The following ERBB4 variants were observed in gnomAD, a reference collection of about 807,000 sequenced individuals.
ERBB4 encodes erb-b2 receptor tyrosine kinase 4.
ERBB4 carries 42 observed loss-of-function variants against 158.0 expected under a neutral mutation model. That is an observed-to-expected ratio of 0.27 (90% CI 0.21 to 0.34). The LOEUF (loss-of-function observed/expected upper bound fraction) is 0.34. ERBB4 is among the 10% of genes least tolerant of loss of function. The probability of loss-of-function intolerance (pLI) is 1.00; values close to 1 mark genes in which losing one functional copy is unlikely to be tolerated. For missense variants in ERBB4, 1,333 were observed against 1,624.1 expected (o/e 0.82, Z 3.08); for synonymous variants, 583 against 558.7 (o/e 1.04, Z -0.61).
chr2:211,927,031 G>A (rs2080037384), intron 3 of ERBB4, among the ~76,000 whole-genome samples: 1 of 152,148 alleles, frequency 6.6e-6, no homozygotes, highest in Non-Finnish European at 1.5e-5. Context: ...CCAAACATGA[G>A]AAAGTCAAAT....
chr2:212,292,090 T>A (rs2086228682), intron 1 of ERBB4, among the ~76,000 whole-genome samples: 1 of 151,964 alleles, frequency 6.6e-6, no homozygotes, highest in Non-Finnish European at 1.5e-5. Flanking sequence ...TTTTTTAAAT[T>A]TTTTTCTGAA....
At chr2:212,108,419 T>C (rs2079295521) in intron 2 of ERBB4, among the ~76,000 whole-genome samples, 1 of 152,156 alleles carries the variant, frequency 6.6e-6, no homozygotes, top group Non-Finnish European at 1.5e-5. Flanking sequence ...TCTTAGCATT[T>C]TAATAAGAGA....
intron 20 of ERBB4, among the ~76,000 whole-genome samples, chr2:211,530,407 G>A (rs985071286): frequency 6.6e-6 from 1 of 152,024 alleles, no homozygotes; most frequent in African/African-American, 2.4e-5. Flanking sequence ...TTGTTAAAAT[G>A]TCTAGACTAC....
At chr2:211,873,832 A>G (rs2078421947) in intron 3 of ERBB4, among the ~76,000 whole-genome samples, 1 of 150,734 alleles carries the variant, frequency 6.6e-6, no homozygotes, top group Non-Finnish European at 1.5e-5. Flanking sequence ...CTGGAAGTAA[A>G]ATAATTGTGT....
At chr2:212,427,385 T>C (rs1456026797) in intron 1 of ERBB4, among the ~76,000 whole-genome samples, 2 of 152,146 alleles carry the variant, frequency 1.3e-5, no homozygotes, top group Non-Finnish European at 2.9e-5. Context: ...CCAATCATTA[T>C]GCTAGTTTTA....
intron 3 of ERBB4, among the ~76,000 whole-genome samples, chr2:211,799,515 GA>G (rs2076453301): frequency 6.6e-6 from 1 of 152,122 alleles, no homozygotes; most frequent in Non-Finnish European, 1.5e-5. Flanking sequence ...TTCAAGAAGG[GA>G]AAACTATTGA....
At chr2:212,272,301 G>A (rs2085370729) in intron 1 of ERBB4, among the ~76,000 whole-genome samples, 1 of 151,682 alleles carries the variant, frequency 6.6e-6, no homozygotes, top group African/African-American at 2.4e-5. Context: ...AAGTTAAACA[G>A]TCCAGAAGTA....
chr2:212,491,449 T>C (rs1167729496), intron 1 of ERBB4, among the ~76,000 whole-genome samples: 2 of 151,610 alleles, frequency 1.3e-5, no homozygotes, highest in Non-Finnish European at 3.0e-5. Context: ...AATTTGTGTT[T>C]TTCCCTTTGT....
chr2:212,234,372 C>T (rs905251532), intron 1 of ERBB4, among the ~76,000 whole-genome samples: 3 of 152,102 alleles, frequency 2.0e-5, no homozygotes, highest in African/African-American at 7.2e-5. Flanking sequence ...TTTCTTTATC[C>T]AGTCTAACAT....
At position 212,086,201 on chromosome 2, in the gene ERBB4, C is replaced by T. The variant is rs2078603763; in HGVS notation, c.234+38551G>A. 2.6e-5 allele frequency among the ~76,000 whole-genome samples: 4 copies of T among 151,922 alleles called. No individual in the cohort carries two copies. The South Asian group carries it at 6.2e-4, about 24-fold the overall frequency. ...TAAGCATAAAAGTGATTGGCTGCCA[C>T]GTTTTCTATTATGTGGGCCAGAAAA... On this transcript the variant is annotated intron_variant, in intron 2 of 27. Coordinates refer to ENST00000342788, the MANE Select transcript of ERBB4 (RefSeq NM_005235.3).
At chr2:211,780,588 T>G (rs1368527600) in intron 4 of ERBB4, among the ~76,000 whole-genome samples, 4 of 152,188 alleles carry the variant, frequency 2.6e-5, no homozygotes, top group African/African-American at 7.2e-5. Flanking sequence ...GTCAAAGGCC[T>G]TCTATGGTGT....
chr2:211,629,523 C>T (rs2070013977), intron 17 of ERBB4, among the ~76,000 whole-genome samples: 1 of 152,140 alleles, frequency 6.6e-6, no homozygotes, highest in South Asian at 2.1e-4. Context: ...CAATGACTTT[C>T]TTCACAGAAT....
chr2:212,507,805 C>G (rs189939522), intron 1 of ERBB4, among the ~76,000 whole-genome samples: 2 of 152,092 alleles, frequency 1.3e-5, no homozygotes, highest in African/African-American at 4.8e-5. Flanking sequence ...GAAATGACAA[C>G]GAAAGATTTA....
At chr2:211,469,071 G>A (rs948227367) in intron 20 of ERBB4, among the ~76,000 whole-genome samples, 17 of 151,974 alleles carry the variant, frequency 1.1e-4, no homozygotes, top group Admixed American at 3.9e-4. Context: ...ACCTGATCCC[G>A]CATGTAATGA....
intron 2 of ERBB4, among the ~76,000 whole-genome samples, chr2:212,096,579 A>G (rs571084862): frequency 6.6e-6 from 1 of 152,312 alleles, no homozygotes; most frequent in East Asian, 1.9e-4. Flanking sequence ...TAGATGAGTA[A>G]GTCATTGAAA....
chr2:211,536,799 C>T (rs1441982924), intron 20 of ERBB4, among the ~76,000 whole-genome samples: 2 of 152,016 alleles, frequency 1.3e-5, no homozygotes, highest in African/African-American at 2.4e-5. Context: ...TTAGGACTCA[C>T]AGGTTTCTGG....
chr2:212,192,044 ATATGTTATATG>A (rs1306596528), intron 1 of ERBB4, among the ~76,000 whole-genome samples: 42 of 56,292 alleles, frequency 7.5e-4, no homozygotes, highest in Non-Finnish European at 1.5e-3. Context: ...TATGTTATAT[ATATGTTATATG>A]TTATATATGT....
At chr2:211,448,079 T>C (rs1279838993) in intron 20 of ERBB4, among the ~76,000 whole-genome samples, 2 of 152,068 alleles carry the variant, frequency 1.3e-5, no homozygotes, top group African/African-American at 4.8e-5. Context: ...TTCAAGTGAT[T>C]CTCCTGCTTC....
chr2:212,373,740 T>C lies in ERBB4; in HGVS notation c.82+164709A>G, dbSNP rs535182962. 1.4e-4 allele frequency among the ~76,000 whole-genome samples: 21 copies of C among 145,892 alleles called. No homozygotes were observed. The East Asian group carries it at 1.8e-3, about 13-fold the overall frequency. ...ATATATATCCATATATATATATCCA[T>C]ATATATATCCATGTATATATCCACG... On this transcript the variant is annotated intron_variant, in intron 1 of 27. Coordinates refer to ENST00000342788, the MANE Select transcript of ERBB4 (RefSeq NM_005235.3).
Sources: gnomAD v4.1 joint callset for allele counts (sites outside exome capture counted in the v4.1 genomes callset) on GRCh38, gnomAD v4.1.1 for gene constraint, MANE v1.5 for transcripts, NCBI Gene and HGNC (gene_info 2026-07-23, HGNC 2026-07-21) for gene names.